The following CPNE4 variants were observed in gnomAD, a reference collection of about 807,000 sequenced individuals.
CPNE4 encodes copine 4.
Under a neutral mutation model 67.9 loss-of-function variants are expected in CPNE4, and 25 were observed. The observed-to-expected ratio is 0.37, with a 90% CI of 0.27 to 0.51. CPNE4 has a LOEUF of 0.51. Among genes scored for constraint, CPNE4 ranks in the 20% least tolerant of loss-of-function variants. The pLI, the probability that CPNE4 is intolerant of heterozygous loss-of-function variation, is 0.93. For synonymous variants in CPNE4, 242 were observed against 244.9 expected (o/e 0.99, Z 0.11); for missense variants, 464 against 690.8 (o/e 0.67, Z 3.68).
chr3:132,037,709 TTC>T (rs1208633553), upstream of CPNE4: 1 of 1,004,800 alleles, frequency 1.0e-6, no homozygotes, highest in Non-Finnish European at 1.5e-6. Flanking sequence ...CTCGCCGGGT[TTC>T]TGTTTGATAA....
At chr3:132,005,220 T>C (rs1400081420) in intron 1 of CPNE4, among the ~76,000 whole-genome samples, 1 of 151,210 alleles carries the variant, frequency 6.6e-6, no homozygotes, top group Non-Finnish European at 1.5e-5. Flanking sequence ...CACTCAATTA[T>C]ATTAAGCCAC....
intron 2 of CPNE4, among the ~76,000 whole-genome samples, chr3:131,891,391 T>C (rs2088106520): frequency 6.6e-6 from 1 of 151,948 alleles, no homozygotes; most frequent in African/African-American, 2.4e-5. Context: ...CACAGGTGTA[T>C]ACATTAATCA....
At chr3:131,876,653 A>AAAAAAGAAAG (rs762079430) in intron 2 of CPNE4, among the ~76,000 whole-genome samples, 2 of 140,678 alleles carry the variant, frequency 1.4e-5, no homozygotes, top group Admixed American at 1.5e-4. Context: ...AAAAAAAAAA[A>AAAAAAGAAAG]AAAGAAAGAA....
intron 11 of CPNE4, among the ~76,000 whole-genome samples, chr3:131,560,582 C>T (rs1412970208): frequency 4.6e-5 from 7 of 152,112 alleles, no homozygotes; most frequent in Non-Finnish European, 5.9e-5. Context: ...AACACTTCCC[C>T]GGCCATGCTG....
intron 1 of CPNE4, among the ~76,000 whole-genome samples, chr3:131,994,635 C>T (rs2073243655): frequency 6.6e-6 from 1 of 152,064 alleles, no homozygotes; most frequent in Admixed American, 6.6e-5. Context: ...TTGGGAGAAC[C>T]CTATGTACTG....
chr3:131,859,221 A>G (rs1383117339), intron 2 of CPNE4, among the ~76,000 whole-genome samples: 1 of 152,158 alleles, frequency 6.6e-6, no homozygotes. Flanking sequence ...GTGTAATTAT[A>G]AACAGCACTC....
chr3:131,990,510 T>C (rs2073152929), intron 1 of CPNE4, among the ~76,000 whole-genome samples: 1 of 136,138 alleles, frequency 7.3e-6, no homozygotes, highest in African/African-American at 2.5e-5. Context: ...AATTATATTG[T>C]ATGAAGCATT....
intron 2 of CPNE4, among the ~76,000 whole-genome samples, chr3:131,726,718 G>T (rs1020195688): frequency 1.5e-5 from 2 of 134,072 alleles, no homozygotes; most frequent in Non-Finnish European, 3.2e-5. Context: ...CTAATCAACT[G>T]GGGGGGGCGG....
chr3:131,950,289 A>G (rs939932261), intron 1 of CPNE4, among the ~76,000 whole-genome samples: 4 of 152,216 alleles, frequency 2.6e-5, no homozygotes, highest in Admixed American at 2.6e-4. Context: ...GCTTGCATGA[A>G]GCTTAGCTGG....
At chr3:131,710,829 A>G (rs2081539764) in intron 3 of CPNE4, among the ~76,000 whole-genome samples, 1 of 152,212 alleles carries the variant, frequency 6.6e-6, no homozygotes, top group African/African-American at 2.4e-5. Context: ...TATAAAACAA[A>G]AGCTCAGAGG....
intron 1 of CPNE4, among the ~76,000 whole-genome samples, chr3:131,933,158 T>C (rs1237904417): frequency 6.6e-6 from 1 of 152,090 alleles, no homozygotes; most frequent in Non-Finnish European, 1.5e-5. Context: ...CAATGGTGAA[T>C]AACTTGACAT....
chr3:131,998,320 G>A (rs1016354776), intron 1 of CPNE4, among the ~76,000 whole-genome samples: 1 of 152,014 alleles, frequency 6.6e-6, no homozygotes, highest in Non-Finnish European at 1.5e-5. Context: ...GTAAGGTAAG[G>A]GTTTCTTCCT....
intron 2 of CPNE4, among the ~76,000 whole-genome samples, chr3:131,796,282 G>A (rs768455699): frequency 1.9e-4 from 29 of 152,174 alleles, no homozygotes; most frequent in Non-Finnish European, 3.8e-4. Context: ...CTTCAGCCTC[G>A]TTAACGACGT....
intron 1 of CPNE4, among the ~76,000 whole-genome samples, chr3:131,994,945 T>G (rs2073253261): frequency 6.6e-6 from 1 of 152,218 alleles, no homozygotes; most frequent in Non-Finnish European, 1.5e-5. Context: ...TATTGCTCTC[T>G]TTCCTGTTCA....
intron 2 of CPNE4, among the ~76,000 whole-genome samples, chr3:131,885,965 C>T (rs1233725988): frequency 2.0e-5 from 3 of 152,168 alleles, no homozygotes; most frequent in Non-Finnish European, 4.4e-5. Context: ...AAGAAAATCC[C>T]ATTTTTTGAA....
chr3:131,566,750 T>A (rs1559909529), intron 10 of CPNE4, among the ~76,000 whole-genome samples: 1 of 151,954 alleles, frequency 6.6e-6, no homozygotes. Context: ...GGGACATGTT[T>A]AAGGGATAAT....
chr3:131,578,556 G>A (rs2107686930), intron 9 of CPNE4, among the ~76,000 whole-genome samples: 1 of 152,302 alleles, frequency 6.6e-6, no homozygotes, highest in South Asian at 2.1e-4. Context: ...AGTGAGGAAG[G>A]CATGTCAGTA....
chr3:131,662,213 ACT>A (rs1008025501), intron 7 of CPNE4, among the ~76,000 whole-genome samples: 1 of 152,168 alleles, frequency 6.6e-6, no homozygotes, highest in African/African-American at 2.4e-5. Context: ...TCCGAGGCAA[ACT>A]CTATGAGTGG....
At chr3:131,556,502 C>A (rs1936464911) in intron 11 of CPNE4, among the ~76,000 whole-genome samples, 1 of 151,980 alleles carries the variant, frequency 6.6e-6, no homozygotes, top group Non-Finnish European at 1.5e-5. Context: ...GTTTACATGT[C>A]TTTTCTTGTT....
Sources: gnomAD v4.1 joint callset for allele counts (sites outside exome capture counted in the v4.1 genomes callset) on GRCh38, gnomAD v4.1.1 for gene constraint, MANE v1.5 for transcripts, NCBI Gene and HGNC (gene_info 2026-07-23, HGNC 2026-07-21) for gene names.